Variants in CASR observed in about 807,000 individuals in gnomAD.
CASR encodes the protein calcium sensing receptor.
A neutral mutation model predicts 69.1 loss-of-function variants in CASR; 23 were observed. The ratio of observed to expected loss-of-function variants is 0.33; its 90% CI spans 0.24 to 0.47. CASR has a LOEUF of 0.47. Ranked by LOEUF, CASR falls within the 20% of genes least tolerant of loss-of-function variation. The pLI is 1.00. For missense variants in CASR, 924 were observed against 1,356.1 expected, an observed-to-expected ratio of 0.68 and a Z score of 5.00; for synonymous variants, 541 against 544.7, an observed-to-expected ratio of 0.99 and a Z score of 0.10.
At position 122,252,423 on chromosome 3, in the gene CASR, AAG is replaced by A. The variant is rs1553765668; in HGVS notation, c.-242-1523_-242-1522del. On this transcript the variant is annotated intron_variant, in intron 1 of 6. Transcript: ENST00000639785. ...GGAAGGAAGGAAAAAGAAAGAAAGA[AAG>A]AAAGAAAGAAAGAAAGAAAGAAAAA... is the stretch of plus-strand genomic sequence containing the variant. Among the ~76,000 whole-genome samples, 8 of 77,534 alleles carry A rather than the reference AAG, an allele frequency of 1.0e-4. No individual in the cohort carries two copies. In the East Asian group the frequency reaches 2.1e-3, roughly 20 times the overall value. 50.9% of individuals were successfully genotyped at this position (77,534 alleles called of 152,430 possible). A position where few individuals can be genotyped will look rare whatever the true frequency, so the allele number is the denominator to read the frequency against.
At chr3:122,265,667 C>T (rs1331413962) in intron 4 of CASR, among the ~76,000 whole-genome samples, 1 of 152,168 alleles carries the variant, frequency 6.6e-6, no homozygotes, top group African/African-American at 2.4e-5. Flanking sequence ...CCAAGGTATT[C>T]TAGGCTCTGT....
intron 1 of CASR, 22 bp from the exon 2 acceptor site, chr3:122,253,926 T>G: frequency 1.0e-5 from 5 of 491,040 alleles, no homozygotes; most frequent in Non-Finnish European, 1.9e-5. Flanking sequence ...GCTGAATCCA[T>G]TTTGTCTTTC....
intron 1 of CASR, among the ~76,000 whole-genome samples, chr3:122,233,914 G>T (rs1427919508): frequency 1.3e-5 from 2 of 152,198 alleles, no homozygotes. Flanking sequence ...CTCTATTCAT[G>T]TGAGCCAGTG....
chr3:122,211,803 GA>G (rs35685520), intron 1 of CASR, among the ~76,000 whole-genome samples: 110,280 of 152,112 alleles, frequency 0.72, 40,215 homozygotes, highest in Admixed American at 0.82. Context: ...CAATAAACAT[GA>G]AAAAAAGTTC....
chr3:122,229,635 G>A (rs138933670), intron 1 of CASR, among the ~76,000 whole-genome samples: 77 of 152,344 alleles, frequency 5.1e-4, no homozygotes, highest in African/African-American at 1.9e-3. Flanking sequence ...GCCAAGGCAG[G>A]TGGATCACTT....
rs1483411909 is a variant in CASR at position 122,254,240 on chromosome 3, C to T, written c.51C>T (p.Thr17=). Residue 17 remains threonine (T), a synonymous_variant, in exon 2 of 7, where the codon ACC becomes ACT. Transcript: ENST00000639785. ...TCCTCTTGGCACTCACCTGGCACAC[C>T]TCTGCCTACGGGCCAGACCAGCGAG... The part of the protein sequence containing the change: ...CWVLLALTWH[T]SAYGPDQRAQ... The T allele has an allele frequency of 6.2e-7, 1 of 1,613,820 alleles. No individual in the cohort carries two copies. Among genetic ancestry groups the T allele is most frequent in the African/African-American group, 1.3e-5 (1 of 74,896 alleles).
intron 2 of CASR, among the ~76,000 whole-genome samples, chr3:122,256,518 T>C (rs2074556156): frequency 6.6e-6 from 1 of 152,260 alleles, no homozygotes; most frequent in African/African-American, 2.4e-5. Context: ...TTGCTCTCTG[T>C]CTCTGTGTGA....
intron 4 of CASR, among the ~76,000 whole-genome samples, chr3:122,266,280 T>C (rs1316727150): frequency 6.6e-6 from 1 of 152,106 alleles, no homozygotes; most frequent in Admixed American, 6.5e-5. Flanking sequence ...TATTATGGCA[T>C]AAAAGAGTAT....
At chr3:122,225,374 G>GA (rs140457735) in intron 1 of CASR, among the ~76,000 whole-genome samples, 24,233 of 145,018 alleles carry the variant, frequency 0.17, 2,004 homozygotes, top group Non-Finnish European at 0.18. Context: ...AATTGAACAG[G>GA]AAAAAAAAAG....
intron 5 of CASR, 115 bp from the exon 6 acceptor site, chr3:122,281,998 G>A: frequency 6.7e-7 from 1 of 1,489,564 alleles, no homozygotes; most frequent in Non-Finnish European, 9.3e-7. Context: ...CCCAACGTCT[G>A]TCACACTGAT....
chr3:122,191,464 A>G (rs2073839315), intron 1 of CASR, among the ~76,000 whole-genome samples: 1 of 151,690 alleles, frequency 6.6e-6, no homozygotes, highest in Non-Finnish European at 1.5e-5. Context: ...GGCGCCCACC[A>G]CCATGCCTGG....
chr3:122,256,879 C>T (rs566101502), intron 2 of CASR, among the ~76,000 whole-genome samples: 31 of 152,360 alleles, frequency 2.0e-4, no homozygotes, highest in African/African-American at 7.5e-4. Flanking sequence ...CCTCGGCCTC[C>T]CGAAGTGCTG....
At chr3:122,221,041 A>AT (rs1174402627) in intron 1 of CASR, among the ~76,000 whole-genome samples, 1 of 152,182 alleles carries the variant, frequency 6.6e-6, no homozygotes, top group African/African-American at 2.4e-5. Context: ...TCCAGTCTCA[A>AT]TTCCCAGCCA....
intron 1 of CASR, among the ~76,000 whole-genome samples, chr3:122,217,719 A>G (rs2074131401): frequency 2.6e-5 from 4 of 152,222 alleles, no homozygotes; most frequent in African/African-American, 7.2e-5. Flanking sequence ...ACTAAAAACT[A>G]TAGTTATCTG....
intron 5 of CASR, among the ~76,000 whole-genome samples, chr3:122,276,269 C>T (rs2074819297): frequency 6.6e-6 from 1 of 152,188 alleles, no homozygotes. Context: ...TGTATTGAAA[C>T]AGTTTCATTT....
intron 1 of CASR, among the ~76,000 whole-genome samples, chr3:122,202,288 C>G (rs190246154): frequency 6.6e-6 from 1 of 152,226 alleles, no homozygotes; most frequent in East Asian, 1.9e-4. Flanking sequence ...CGTGGTGGCG[C>G]GCGCCTGCAA....
chr3:122,190,224 G>C (rs2107579399), intron 1 of CASR, among the ~76,000 whole-genome samples: 1 of 152,302 alleles, frequency 6.6e-6, no homozygotes, highest in Non-Finnish European at 1.5e-5. Context: ...CCAAGCCCCT[G>C]CCAGTTAGAG....
intron 1 of CASR, among the ~76,000 whole-genome samples, chr3:122,248,994 G>C (rs961715129): frequency 5.3e-5 from 8 of 152,210 alleles, no homozygotes; most frequent in African/African-American, 1.9e-4. Context: ...TGAGGATGCA[G>C]CTATGATCAT....
chr3:122,223,819 G>A (rs928734904), intron 1 of CASR, among the ~76,000 whole-genome samples: 2 of 151,672 alleles, frequency 1.3e-5, no homozygotes, highest in African/African-American at 4.8e-5. Context: ...TAATCCAGCA[G>A]CACATCAAAA....
Sources: allele counts gnomAD v4.1 joint callset (sites outside exome capture counted in the v4.1 genomes callset), GRCh38; gene constraint gnomAD v4.1.1; transcripts MANE v1.5; gene names NCBI Gene and HGNC (gene_info 2026-07-23, HGNC 2026-07-21).